The following KLF12 variants were observed in gnomAD, a reference collection of about 807,000 sequenced individuals.
KLF12 encodes the protein KLF transcription factor 12, also known as Krueppel-like factor 12.
KLF12 carries 9 observed loss-of-function variants against 37.8 expected under a neutral mutation model. The ratio of observed to expected loss-of-function variants is 0.24; its 90% CI spans 0.14 to 0.42. The LOEUF is 0.42. Among genes scored for constraint, KLF12 ranks in the 10% least tolerant of loss-of-function variants. The probability of loss-of-function intolerance (pLI) is 1.00; values close to 1 mark genes in which losing one functional copy is unlikely to be tolerated. For missense variants in KLF12, 411 were observed against 516.0 expected (o/e 0.80, Z 1.97); for synonymous variants, 208 against 202.1 (o/e 1.03, Z -0.25).
chr13:74,201,758 C>A, the KLF12 span, among the ~76,000 whole-genome samples: 1 of 152,134 alleles, frequency 6.6e-6, no homozygotes, highest in Non-Finnish European at 1.5e-5. Context: ...GTTTGACAGT[C>A]TTTGCCAAGC....
chr13:73,917,638 T>C (rs1440193965), intron 3 of KLF12, among the ~76,000 whole-genome samples: 1 of 152,230 alleles, frequency 6.6e-6, no homozygotes, highest in Admixed American at 6.5e-5. Context: ...AAGATAGTAA[T>C]AGTTAACCTC....
the KLF12 span, among the ~76,000 whole-genome samples, chr13:74,232,881 A>G: frequency 1.5e-5 from 2 of 132,226 alleles, no homozygotes; most frequent in African/African-American, 7.3e-5. Context: ...GATCTTATTT[A>G]TTTATTATTA....
At chr13:74,122,521 T>C (rs1472138730) in intron 1 of KLF12, among the ~76,000 whole-genome samples, 1 of 152,092 alleles carries the variant, frequency 6.6e-6, no homozygotes, top group African/African-American at 2.4e-5. Context: ...TTGATACATC[T>C]TGAATGGATG....
intron 1 of KLF12, among the ~76,000 whole-genome samples, chr13:74,084,735 C>G (rs541582631): frequency 6.6e-6 from 1 of 151,886 alleles, no homozygotes; most frequent in Non-Finnish European, 1.5e-5. Flanking sequence ...TAGGTGTATT[C>G]CAAATTTAGT....
chr13:73,903,905 A>T (rs1888150048), intron 3 of KLF12, among the ~76,000 whole-genome samples: 1 of 152,158 alleles, frequency 6.6e-6, no homozygotes, highest in African/African-American at 2.4e-5. Flanking sequence ...GAGGTGGAAT[A>T]GTTTCATCCT....
chr13:74,121,723 G>A (rs1877644024), intron 1 of KLF12, among the ~76,000 whole-genome samples: 1 of 152,002 alleles, frequency 6.6e-6, no homozygotes, highest in South Asian at 2.1e-4. Context: ...TTTATCCCAG[G>A]AGAGGTGTGA....
intron 1 of KLF12, among the ~76,000 whole-genome samples, chr13:74,028,235 A>G (rs979862638): frequency 6.6e-6 from 1 of 152,204 alleles, no homozygotes; most frequent in African/African-American, 2.4e-5. Context: ...TAAAAAGTGC[A>G]TGGAAACACG....
chr13:74,253,366 A>C, the KLF12 span, among the ~76,000 whole-genome samples: 4,950 of 152,266 alleles, frequency 0.033, 117 homozygotes, highest in Middle Eastern at 0.071. Flanking sequence ...TATTCTGAGA[A>C]ACCTGCATGT....
chr13:73,901,565 T>C (rs1404352059), intron 3 of KLF12, among the ~76,000 whole-genome samples: 1 of 152,002 alleles, frequency 6.6e-6, no homozygotes, highest in African/African-American at 2.4e-5. Context: ...TAAATGATTG[T>C]GGTCCTTCAT....
chr13:73,891,622 C>T (rs1887509687), intron 3 of KLF12, among the ~76,000 whole-genome samples: 1 of 152,096 alleles, frequency 6.6e-6, no homozygotes, highest in African/African-American at 2.4e-5. Context: ...CATTGCTAAG[C>T]TAATTGTGCA....
At chr13:74,095,973 C>G (rs1175588918) in intron 1 of KLF12, among the ~76,000 whole-genome samples, 2 of 151,648 alleles carry the variant, frequency 1.3e-5, no homozygotes, top group African/African-American at 4.9e-5. Context: ...AATCGTCTGA[C>G]AGAAGTAGTG....
the KLF12 span, among the ~76,000 whole-genome samples, chr13:74,183,795 G>C: frequency 2.0e-5 from 3 of 151,968 alleles, no homozygotes; most frequent in African/African-American, 4.8e-5. Flanking sequence ...AAATTAGCTG[G>C]GCATGGTGGC....
At chr13:74,022,123 G>A (rs1286837170) in intron 1 of KLF12, among the ~76,000 whole-genome samples, 3 of 152,006 alleles carry the variant, frequency 2.0e-5, no homozygotes, top group East Asian at 3.9e-4. Flanking sequence ...TGAAGGAAAT[G>A]GCAACAATAC....
intron 3 of KLF12, among the ~76,000 whole-genome samples, chr13:73,917,831 A>G (rs1472418392): frequency 6.6e-6 from 1 of 152,236 alleles, no homozygotes; most frequent in Non-Finnish European, 1.5e-5. Flanking sequence ...TGTCTTGTAC[A>G]TAATAGGTAT....
Position 73,753,605 on chromosome 13 carries a change from T to C in KLF12, c.869+11333A>G, listed in dbSNP as rs560719093. On this transcript the variant is annotated intron_variant, in intron 6 of 7. Coordinates refer to ENST00000377669, the MANE Select transcript of KLF12 (RefSeq NM_007249.5). ...ATCATTGCAGGCACAATAATTTTAC[T>C]GAAGAGGGAACAGATGAATGAACAC... 8.8e-4 allele frequency among the ~76,000 whole-genome samples: 133 copies of C among 151,028 alleles called. 2 individuals are homozygous for C. The South Asian group carries it at 0.01, about 11-fold the overall frequency.
rs533945338 is a variant in KLF12, at chr13:74,100,941, T to A, written c.-32+32798A>T. 5.9e-5 allele frequency among the ~76,000 whole-genome samples: 9 copies of A among 152,198 alleles called. No individual in the cohort carries two copies. In the South Asian group the frequency reaches 8.3e-4, roughly 14 times the overall value. ...AAAAGTTCTTTCAAAAGAAAAAAAATTGCCTTCAGCTCCCTGTCAGAAATC... is the reference window on the plus strand; with the variant it reads ...AAAAGTTCTTTCAAAAGAAAAAAAAATGCCTTCAGCTCCCTGTCAGAAATC... On this transcript the variant is annotated intron_variant, in intron 1 of 7. Coordinates refer to ENST00000377669, the MANE Select transcript of KLF12 (RefSeq NM_007249.5).
chr13:74,263,452 T>G, the KLF12 span, among the ~76,000 whole-genome samples: 1 of 152,208 alleles, frequency 6.6e-6, no homozygotes, highest in Non-Finnish European at 1.5e-5. Flanking sequence ...TTGAGATCAT[T>G]GCTTTTTAAA....
chr13:73,926,101 T>C (rs912252947), intron 3 of KLF12, among the ~76,000 whole-genome samples: 13 of 152,212 alleles, frequency 8.5e-5, no homozygotes, highest in Admixed American at 4.6e-4. Context: ...TAGTTGAGCA[T>C]GCAGAGGCAG....
the KLF12 span, among the ~76,000 whole-genome samples, chr13:74,224,984 A>G: frequency 6.6e-6 from 1 of 152,178 alleles, no homozygotes; most frequent in Non-Finnish European, 1.5e-5. Flanking sequence ...TTTGAACAGG[A>G]TGCCCAGAAA....
Sources: allele counts gnomAD v4.1 joint callset (sites outside exome capture counted in the v4.1 genomes callset), GRCh38; gene constraint gnomAD v4.1.1; transcripts MANE v1.5; gene names NCBI Gene and HGNC (gene_info 2026-07-23, HGNC 2026-07-21).